Variants in RORA observed in about 807,000 individuals in gnomAD.
RORA encodes the protein RAR related orphan receptor A.
Under a neutral mutation model 69.5 loss-of-function variants are expected in RORA, and 7 were observed. That is an observed-to-expected ratio of 0.10 (90% CI 0.06 to 0.19). RORA has a LOEUF of 0.19. RORA is among the 10% of genes least tolerant of loss of function. RORA has a pLI of 1.00. For synonymous variants in RORA, 261 were observed against 240.8 expected, an observed-to-expected ratio of 1.08 and a Z score of -0.78; for missense variants, 457 against 663.0, an observed-to-expected ratio of 0.69 and a Z score of 3.41.
At chr15:60,816,915 T>G (rs2072825800) in intron 1 of RORA, among the ~76,000 whole-genome samples, 1 of 152,202 alleles carries the variant, frequency 6.6e-6, no homozygotes, top group South Asian at 2.1e-4. Flanking sequence ...CTGTTTTAAA[T>G]GATACTTTTT....
At position 60,580,525 on chromosome 15, in the gene RORA, T is replaced by C. The variant is rs75926828; in HGVS notation, c.197-48674A>G. Among the ~76,000 whole-genome samples, 620 of 152,322 alleles carry C rather than the reference T, an allele frequency of 4.1e-3. 22 individuals carry two copies. In the East Asian group the frequency reaches 0.097, roughly 24 times the overall value. ...TAGAGTTGCCCACACTGGTATAGAA[T>C]TCACTACTCAAGGAAACCAGAGAGA... On this transcript the variant is annotated intron_variant, in intron 2 of 10. Coordinates refer to ENST00000335670, the MANE Select transcript of RORA (RefSeq NM_134261.3).
intron 1 of RORA, among the ~76,000 whole-genome samples, chr15:60,712,700 A>T (rs1255380857): frequency 6.6e-6 from 1 of 152,180 alleles, no homozygotes; most frequent in Non-Finnish European, 1.5e-5. Context: ...ACAAGACTCA[A>T]CACAGTCCTA....
At chr15:60,813,897 C>T (rs1457462754) in intron 1 of RORA, among the ~76,000 whole-genome samples, 3 of 151,992 alleles carry the variant, frequency 2.0e-5, no homozygotes, top group Admixed American at 6.6e-5. Flanking sequence ...TTAATTTCAC[C>T]TTTTTCTTTG....
intron 1 of RORA, among the ~76,000 whole-genome samples, chr15:61,221,473 T>G (rs1001872494): frequency 3.3e-5 from 5 of 152,254 alleles, no homozygotes; most frequent in African/African-American, 1.2e-4. Flanking sequence ...CTATAATTTT[T>G]ATTCTCGTGG....
At chr15:61,143,093 A>G (rs111776847) in intron 1 of RORA, among the ~76,000 whole-genome samples, 44 of 152,274 alleles carry the variant, frequency 2.9e-4, no homozygotes, top group African/African-American at 1.0e-3. Context: ...CTAGAACGCC[A>G]AAGAGGATCA....
chr15:61,093,421 A>G (rs1008492945), intron 1 of RORA, among the ~76,000 whole-genome samples: 2 of 152,196 alleles, frequency 1.3e-5, no homozygotes, highest in Non-Finnish European at 2.9e-5. Context: ...ATGAGGCCAC[A>G]TGGTGGACTA....
intron 1 of RORA, among the ~76,000 whole-genome samples, chr15:60,805,214 C>T (rs1346262047): frequency 6.6e-6 from 1 of 152,202 alleles, no homozygotes; most frequent in East Asian, 1.9e-4. Context: ...CAAGGGAACA[C>T]CTGCCAGAGG....
At chr15:60,802,212 G>T (rs758332610) in intron 1 of RORA, among the ~76,000 whole-genome samples, 7 of 152,178 alleles carry the variant, frequency 4.6e-5, no homozygotes, top group African/African-American at 7.2e-5. Context: ...ACATGATCAT[G>T]GGTCAACCGT....
intron 1 of RORA, among the ~76,000 whole-genome samples, chr15:60,768,508 A>G (rs12591650): frequency 0.15 from 23,225 of 152,174 alleles, 2,228 homozygotes; most frequent in East Asian, 0.47. Flanking sequence ...CTGGACCTCA[A>G]CTGAACTTTC....
At chr15:61,177,665 C>A (rs773354837) in intron 1 of RORA, among the ~76,000 whole-genome samples, 125 of 152,054 alleles carry the variant, frequency 8.2e-4, no homozygotes, top group Non-Finnish European at 1.1e-3. Flanking sequence ...AAGAAAGGAA[C>A]CGGAGGCCGG....
chr15:60,749,431 G>T (rs2071692117), intron 1 of RORA, among the ~76,000 whole-genome samples: 1 of 152,112 alleles, frequency 6.6e-6, no homozygotes. Context: ...ATTCTATGGT[G>T]GTGAGTTATG....
At chr15:60,627,594 G>C in intron 2 of RORA, 1 of 1,187,594 alleles carries the variant, frequency 8.4e-7, no homozygotes, top group Non-Finnish European at 1.1e-6. Context: ...TCCCATAATT[G>C]TTGACTAAAT....
chr15:60,645,580 A>G (rs1596092673), intron 2 of RORA, among the ~76,000 whole-genome samples: 2 of 152,044 alleles, frequency 1.3e-5, no homozygotes, highest in Admixed American at 1.3e-4. Context: ...TTTTGTAAAG[A>G]CGGGGTTTCA....
chr15:60,788,677 C>T (rs531321054), intron 1 of RORA, among the ~76,000 whole-genome samples: 6 of 152,254 alleles, frequency 3.9e-5, no homozygotes, highest in East Asian at 1.9e-4. Context: ...ATCAGCACCA[C>T]GGGGCTGATT....
chr15:60,489,244 T>C lies in RORA; in HGVS notation c.*8211A>G, dbSNP rs2065003749. ...GCATTAGCTCTCATTAACCACACAA[T>C]TGCATTTATAATTAAGGTAACAGCA... On this transcript the variant is annotated 3_prime_UTR_variant, in exon 11 of 11. Transcript: ENST00000335670. 1 of 152,224 alleles carries C rather than the reference T, an allele frequency of 6.6e-6. No individual in the cohort carries two copies. The highest frequency in any genetic ancestry group is 1.5e-5 in the Non-Finnish European group (1 of 68,044). The allele number at this position is 152,224 out of a possible 1,614,324, so 9.4% of individuals were successfully genotyped here. A position where few individuals can be genotyped will look rare whatever the true frequency, so the allele number is the denominator to read the frequency against.
chr15:60,545,932 C>G (rs2067055086), intron 2 of RORA, among the ~76,000 whole-genome samples: 1 of 152,168 alleles, frequency 6.6e-6, no homozygotes, highest in Non-Finnish European at 1.5e-5. Context: ...TGTATCATTT[C>G]AGGGACTTTG....
chr15:60,524,288 C>T lies in RORA; in HGVS notation c.282+7478G>A, dbSNP rs749512084. Among the ~76,000 whole-genome samples the T allele has an allele frequency of 2.0e-5, 3 of 152,186 alleles. No homozygotes were observed. In the South Asian group the frequency reaches 6.2e-4, roughly 31 times the overall value. ...GCTTCCATTCTCATTCCCTCCAATC[C>T]ATTTCACACAGTTACTAAAGATATC... On this transcript the variant is annotated intron_variant, in intron 3 of 10. Transcript: ENST00000335670.
rs565926368 is a variant in RORA, at chr15:60,726,551, G to A, written c.167-47865C>T. On this transcript the variant is annotated intron_variant, in intron 1 of 10. Coordinates refer to ENST00000335670, the MANE Select transcript of RORA (RefSeq NM_134261.3). ...GGCCAGCAGGACTCATTTCCCTTTC[G>A]TTGCTGCTGGAAAATCAGCATCCAA... 8.5e-5 allele frequency among the ~76,000 whole-genome samples: 13 copies of A among 152,276 alleles called. 1 individual carries two copies. Among genetic ancestry groups the A allele is most frequent in the South Asian group, 8.3e-4 (4 of 4,826 alleles).
At chr15:60,625,680 T>C (rs1375443791) in intron 2 of RORA, among the ~76,000 whole-genome samples, 1 of 152,208 alleles carries the variant, frequency 6.6e-6, no homozygotes, top group Non-Finnish European at 1.5e-5. Context: ...AGATGTGGCG[T>C]GAATTGAAAA....
Sources: gnomAD v4.1 joint callset for allele counts (sites outside exome capture counted in the v4.1 genomes callset) on GRCh38, gnomAD v4.1.1 for gene constraint, MANE v1.5 for transcripts, NCBI Gene and HGNC (gene_info 2026-07-23, HGNC 2026-07-21) for gene names.